The following DOCK4 variants were observed in gnomAD, a reference collection of about 807,000 sequenced individuals.
The protein encoded by DOCK4 is dedicator of cytokinesis protein 4.
In DOCK4, 97 loss-of-function variants were observed where a neutral mutation model predicts 268.1. That is an observed-to-expected ratio of 0.36 (90% CI 0.31 to 0.43). The LOEUF (loss-of-function observed/expected upper bound fraction) is 0.43, where lower values mean the gene tolerates loss of function less well. DOCK4 is among the 20% of genes least tolerant of loss of function. The pLI is 1.00. For missense variants in DOCK4, 2,145 were observed against 2,455.7 expected (o/e 0.87, Z 2.67); for synonymous variants, 954 against 887.2 (o/e 1.08, Z -1.34).
chr7:112,121,950 CCAGT>C (rs1812769423), intron 1 of DOCK4, among the ~76,000 whole-genome samples: 1 of 152,128 alleles, frequency 6.6e-6, no homozygotes, highest in African/African-American at 2.4e-5. Flanking sequence ...ATCAATTTCT[CCAGT>C]CACTTCTATA....
intron 30 of DOCK4, among the ~76,000 whole-genome samples, chr7:111,806,582 G>C (rs188987424): frequency 6.6e-6 from 1 of 152,146 alleles, no homozygotes; most frequent in African/African-American, 2.4e-5. Context: ...TTCTAACAGC[G>C]TCTTAGGATT....
intron 12 of DOCK4, among the ~76,000 whole-genome samples, chr7:111,925,825 T>C (rs749753191): frequency 6.6e-6 from 1 of 152,188 alleles, no homozygotes; most frequent in African/African-American, 2.4e-5. Context: ...CAGTGGCTCA[T>C]GCCTGTAATC....
Position 111,742,065 on chromosome 7 carries a change from T to G in DOCK4, c.4745A>C (p.His1582Pro). The G allele has an allele frequency of 6.2e-7, 1 of 1,610,128 alleles. No homozygotes were observed. Among genetic ancestry groups the G allele is most frequent in the Non-Finnish European group, 8.5e-7 (1 of 1,178,322 alleles). The change falls in exon 45 of 53, where the codon CAC (histidine) becomes CCC (proline). Residue 1582 changes from histidine (H) to proline (P), a missense_variant. Transcript: ENST00000428084. ...KFVPQDMRPL[H>P]KKLVDQFFVM... is the part of the protein sequence containing the mutation. ...AAAGAATTGGTCAACCAGCTTTTTG[T>G]GAAGGGGTCTCATATCTTGAGGTAC...
At chr7:112,180,721 C>T (rs905857964) in intron 1 of DOCK4, among the ~76,000 whole-genome samples, 5 of 152,160 alleles carry the variant, frequency 3.3e-5, no homozygotes, top group Admixed American at 3.3e-4. Context: ...CTGGGGTCCC[C>T]ACAGTGCCAA....
chr7:111,863,603 C>T (rs750495091), intron 22 of DOCK4, 39 bp from the exon 23 acceptor site: 20 of 1,531,840 alleles, frequency 1.3e-5, no homozygotes, highest in Middle Eastern at 1.7e-4. Flanking sequence ...CTCCCAGATA[C>T]GCCATGAGAA....
Position 111,747,307 on chromosome 7 carries a change from A to G in DOCK4, c.4553T>C (p.Ile1518Thr). The G allele has an allele frequency of 1.9e-6, 3 of 1,613,712 alleles. No homozygotes were observed. The highest frequency in any genetic ancestry group is 2.5e-6 in the Non-Finnish European group (3 of 1,179,778). ...AACGCCACCATTAACTGCAGCATCT[A>G]TAACTCCATTCAGGCACATAGTCAG... ...NPLTMCLNGV[I>T]DAAVNGGVSR... The change falls in exon 43 of 53, where the codon ATA (isoleucine) becomes ACA (threonine). Residue 1518 changes from isoleucine (I) to threonine (T), a missense_variant. Ile to Thr is a moderately conservative substitution (Grantham distance 89). Transcript: ENST00000428084.
chr7:112,156,421 C>G lies in DOCK4; in HGVS notation c.37+49681G>C, dbSNP rs566207990. Among the ~76,000 whole-genome samples, 17 of 152,250 alleles carry G rather than the reference C, an allele frequency of 1.1e-4. No individual in the cohort carries two copies. The South Asian group carries it at 3.1e-3, about 28-fold the overall frequency. ...GGGTTACATTATAATTTGGTAAAAACTGTATGGAATTGAAGAATTATAAAT... is the reference window on the plus strand; with the variant it reads ...GGGTTACATTATAATTTGGTAAAAAGTGTATGGAATTGAAGAATTATAAAT... On this transcript the variant is annotated intron_variant, in intron 1 of 52. Coordinates refer to ENST00000428084, the MANE Select transcript of DOCK4 (RefSeq NM_001363540.2).
intron 1 of DOCK4, among the ~76,000 whole-genome samples, chr7:112,093,420 C>T (rs180699135): frequency 3.8e-4 from 57 of 151,824 alleles, no homozygotes; most frequent in African/African-American, 1.2e-3. Context: ...AATATTGTGA[C>T]GACATTTAAA....
chr7:111,825,778 A>AT (rs371821973), intron 26 of DOCK4, among the ~76,000 whole-genome samples: 12 of 152,276 alleles, frequency 7.9e-5, no homozygotes, highest in African/African-American at 2.6e-4. Flanking sequence ...TTATAGAAGT[A>AT]TTTTTTCTGC....
intron 1 of DOCK4, among the ~76,000 whole-genome samples, chr7:112,119,050 G>A (rs28514718): frequency 0.041 from 6,227 of 152,202 alleles, 270 homozygotes; most frequent in East Asian, 0.2. Flanking sequence ...ACTTTGGCTC[G>A]CTGTTTCCAA....
At chr7:112,018,261 A>G (rs1245792178) in intron 1 of DOCK4, among the ~76,000 whole-genome samples, 1 of 149,686 alleles carries the variant, frequency 6.7e-6, no homozygotes, top group African/African-American at 2.5e-5. Flanking sequence ...TAAATTCTCT[A>G]TGAAGCCTTT....
At chr7:112,101,139 G>C (rs997564293) in intron 1 of DOCK4, among the ~76,000 whole-genome samples, 1 of 152,134 alleles carries the variant, frequency 6.6e-6, no homozygotes, top group Non-Finnish European at 1.5e-5. Context: ...AATTATAATG[G>C]TCAACAACCC....
intron 51 of DOCK4, among the ~76,000 whole-genome samples, chr7:111,732,733 G>A (rs998138147): frequency 2.6e-5 from 4 of 152,172 alleles, no homozygotes; most frequent in East Asian, 1.9e-4. Context: ...ACAGGTCTAC[G>A]GGAACATATT....
Position 111,726,180 on chromosome 7 carries a change from C to T in DOCK4, c.*2094G>A, listed in dbSNP as rs1209927873. The T allele has an allele frequency of 6.6e-6, 1 of 152,648 alleles. No individual in the cohort carries two copies. Among genetic ancestry groups the T allele is most frequent in the Non-Finnish European group, 1.5e-5 (1 of 68,034 alleles). 9.5% of individuals were successfully genotyped at this position (152,648 alleles called of 1,614,324 possible). A position where few individuals can be genotyped will look rare whatever the true frequency, so the allele number is the denominator to read the frequency against. ...CAACCAACATGAACATGTGGGCTAA[C>T]AGAATCTCTTAAAATGTTCTGCTAT... On this transcript the variant is annotated 3_prime_UTR_variant, in exon 53 of 53. Transcript: ENST00000428084.
intron 1 of DOCK4, among the ~76,000 whole-genome samples, chr7:112,066,690 CATAT>C (rs751631282): frequency 0.025 from 511 of 20,548 alleles, 5 homozygotes; most frequent in Admixed American, 0.054. Context: ...TATACATATA[CATAT>C]ATATATATAT....
chr7:112,078,960 T>C (rs2135708461), intron 1 of DOCK4, among the ~76,000 whole-genome samples: 1 of 152,224 alleles, frequency 6.6e-6, no homozygotes. Context: ...ACTCCGTCTC[T>C]ACTAAAAATA....
At chr7:111,792,160 C>G (rs937111848) in intron 30 of DOCK4, among the ~76,000 whole-genome samples, 3 of 152,166 alleles carry the variant, frequency 2.0e-5, no homozygotes, top group Non-Finnish European at 2.9e-5. Flanking sequence ...TCATAAGTTT[C>G]TAGTTCTATA....
At chr7:112,202,010 G>A (rs1196805903) in intron 1 of DOCK4, among the ~76,000 whole-genome samples, 1 of 152,160 alleles carries the variant, frequency 6.6e-6, no homozygotes, top group Non-Finnish European at 1.5e-5. Context: ...TACTGAAAAT[G>A]ACAGGATTTT....
At chr7:112,111,662 C>A (rs961084086) in intron 1 of DOCK4, among the ~76,000 whole-genome samples, 12 of 152,152 alleles carry the variant, frequency 7.9e-5, no homozygotes, top group African/African-American at 2.9e-4. Flanking sequence ...CTTTTGCTCT[C>A]CAGAACTCAT....
Sources: allele counts gnomAD v4.1 joint callset (sites outside exome capture counted in the v4.1 genomes callset), GRCh38; gene constraint gnomAD v4.1.1; transcripts MANE v1.5; gene names NCBI Gene and HGNC (gene_info 2026-07-23, HGNC 2026-07-21).